CCDC141: variants seen among roughly 807,000 people sequenced by gnomAD.
The protein encoded by CCDC141 is coiled-coil domain containing 141, also known as coiled-coil domain-containing protein 141.
In CCDC141, 168 loss-of-function variants were observed where a neutral mutation model predicts 181.0. The ratio of observed to expected loss-of-function variants is 0.93; its 90% CI spans 0.82 to 1.05. The LOEUF is 1.05. Ranked by LOEUF, CCDC141 falls within the 50% of genes least tolerant of loss-of-function variation. The pLI, the probability that CCDC141 is intolerant of heterozygous loss-of-function variation, is 0.00. For synonymous variants in CCDC141, 666 were observed against 642.3 expected, an observed-to-expected ratio of 1.04 and a Z score of -0.56; for missense variants, 1,902 against 1,788.5, an observed-to-expected ratio of 1.06 and a Z score of -1.14.
intron 2 of CCDC141, among the ~76,000 whole-genome samples, chr2:178,982,961 C>A (rs1289583980): frequency 1.3e-5 from 2 of 152,210 alleles, no homozygotes. Flanking sequence ...ATGGAGCCCA[C>A]CACAGCTCAA....
chr2:178,853,248 T>G (rs1685241270), intron 20 of CCDC141, among the ~76,000 whole-genome samples, 193 bp downstream of exon 20: 1 of 152,222 alleles, frequency 6.6e-6, no homozygotes, highest in South Asian at 2.1e-4. Context: ...AGGCTTCATC[T>G]GCTGTCAGAA....
intron 2 of CCDC141, among the ~76,000 whole-genome samples, chr2:179,005,964 C>A (rs1339170956): frequency 2.0e-5 from 3 of 152,172 alleles, no homozygotes; most frequent in Non-Finnish European, 4.4e-5. Context: ...ACCTCTCTAC[C>A]TTCTAGATCA....
intron 17 of CCDC141, among the ~76,000 whole-genome samples, chr2:178,862,688 A>G (rs1235615278): frequency 2.6e-5 from 4 of 152,244 alleles, no homozygotes; most frequent in Non-Finnish European, 5.9e-5. Flanking sequence ...TAGTAGGTAG[A>G]CATGAAGAAA....
intron 5 of CCDC141, among the ~76,000 whole-genome samples, chr2:178,955,760 T>G (rs979242047): frequency 6.6e-6 from 1 of 152,192 alleles, no homozygotes; most frequent in Non-Finnish European, 1.5e-5. Flanking sequence ...GATGTCTACA[T>G]TTTAACAAAG....
chr2:179,039,579 C>G (rs1023061226), intron 2 of CCDC141, among the ~76,000 whole-genome samples: 3 of 151,268 alleles, frequency 2.0e-5, no homozygotes, highest in African/African-American at 7.3e-5. Flanking sequence ...GTGTTGTGCC[C>G]AAATCAGAGT....
intron 6 of CCDC141, among the ~76,000 whole-genome samples, chr2:178,940,590 A>G (rs1031348678): frequency 5.9e-5 from 9 of 152,190 alleles, no homozygotes; most frequent in Admixed American, 2.6e-4. Context: ...GGCTAAAAAA[A>G]TGTTTTTAAA....
At chr2:178,873,471 T>C (rs1055296435) in intron 12 of CCDC141, 1 of 152,188 alleles carries the variant, frequency 6.6e-6, no homozygotes, top group Admixed American at 6.5e-5. Context: ...AATAAAATTA[T>C]CTTTCACATA....
chr2:178,862,680 G>C (rs1026607860), intron 17 of CCDC141, among the ~76,000 whole-genome samples: 4 of 152,176 alleles, frequency 2.6e-5, no homozygotes, highest in Non-Finnish European at 4.4e-5. Context: ...TATTTTTCTA[G>C]TAGGTAGACA....
chr2:179,002,886 C>T (rs1339103048), intron 2 of CCDC141: 1 of 152,336 alleles, frequency 6.6e-6, no homozygotes, highest in Non-Finnish European at 1.5e-5. Flanking sequence ...ATCACAAATA[C>T]ATCAAAATAA....
At chr2:178,903,264 C>A (rs1486103188) in intron 8 of CCDC141, among the ~76,000 whole-genome samples, 4 of 151,056 alleles carry the variant, frequency 2.6e-5, no homozygotes, top group Middle Eastern at 3.4e-3. Context: ...TGGGTATATA[C>A]CCAAAGGACT....
chr2:178,964,601 T>C (rs1690543974), intron 4 of CCDC141, among the ~76,000 whole-genome samples: 1 of 152,240 alleles, frequency 6.6e-6, no homozygotes, highest in Non-Finnish European at 1.5e-5. Flanking sequence ...GTCAGTCTGT[T>C]ACCTGCTACC....
At chr2:179,015,094 A>ATAT (rs1398724607) in intron 2 of CCDC141, among the ~76,000 whole-genome samples, 4,417 of 45,834 alleles carry the variant, frequency 0.096, 527 homozygotes, top group East Asian at 0.27. Flanking sequence ...ATATATATAT[A>ATAT]TATATATATA....
intron 2 of CCDC141, among the ~76,000 whole-genome samples, chr2:179,011,126 C>G (rs559442653): frequency 6.6e-6 from 1 of 152,148 alleles, no homozygotes; most frequent in East Asian, 1.9e-4. Context: ...CCATTGCACT[C>G]CAGCCTGGGC....
rs145383377 is a variant in CCDC141 at position 178,868,150 on chromosome 2, A to G, written c.2450T>C (p.Leu817Pro). The change falls in exon 16 of 24, where the codon CTG (leucine) becomes CCG (proline). Residue 817 changes from leucine (L) to proline (P), a missense_variant. Leu to Pro is a moderately conservative substitution (Grantham distance 98, BLOSUM62 -3). Coordinates refer to ENST00000443758, the MANE Select transcript of CCDC141 (RefSeq NM_173648.4). ...AATCTGCACATCATGGGCATCACCC[A>G]GTTCCTTCGGCTGCTCTACAAACTC... ...ELEFVEQPKE[L>P]GDAHDVQIHL... is the part of the protein sequence containing the mutation. 8.1e-6 allele frequency: 13 copies of G among 1,614,050 alleles called. No individual in the cohort carries two copies. In the South Asian group the frequency reaches 1.3e-4, roughly 16 times the overall value.
chr2:178,966,284 T>G (rs1057249256), intron 4 of CCDC141, among the ~76,000 whole-genome samples: 2 of 152,188 alleles, frequency 1.3e-5, no homozygotes, highest in African/African-American at 2.4e-5. Context: ...TCAGACTGTC[T>G]CCTCAAGTGG....
At chr2:178,903,237 C>T (rs1687792788) in intron 8 of CCDC141, among the ~76,000 whole-genome samples, 1 of 149,986 alleles carries the variant, frequency 6.7e-6, no homozygotes, top group Non-Finnish European at 1.5e-5. Flanking sequence ...TACCATTTGA[C>T]CCAGCCATCC....
chr2:178,959,252 C>T (rs866337209), intron 5 of CCDC141, among the ~76,000 whole-genome samples: 6 of 151,406 alleles, frequency 4.0e-5, no homozygotes, highest in African/African-American at 1.5e-4. Flanking sequence ...TGTAACAAAC[C>T]TGCATGTTGT....
intron 2 of CCDC141, chr2:179,001,678 G>T (rs2041984772): frequency 6.6e-6 from 1 of 152,220 alleles, no homozygotes; most frequent in African/African-American, 2.4e-5. Context: ...GAAGACAAAA[G>T]ACATTACGGA....
chr2:178,840,949 A>T (rs938677568), intron 22 of CCDC141, among the ~76,000 whole-genome samples: 1 of 152,224 alleles, frequency 6.6e-6, no homozygotes, highest in African/African-American at 2.4e-5. Context: ...CCCATTAAAC[A>T]TGTTTGTTTC....
Sources: allele counts gnomAD v4.1 joint callset (sites outside exome capture counted in the v4.1 genomes callset), GRCh38; gene constraint gnomAD v4.1.1; transcripts MANE v1.5; gene names NCBI Gene and HGNC (gene_info 2026-07-23, HGNC 2026-07-21).